ROBO2: variants seen among roughly 807,000 people sequenced by gnomAD.
ROBO2 encodes roundabout homolog 2.
Under a neutral mutation model 160.8 loss-of-function variants are expected in ROBO2, and 53 were observed. The ratio of observed to expected loss-of-function variants is 0.33; its 90% CI spans 0.26 to 0.41. The LOEUF (loss-of-function observed/expected upper bound fraction) is 0.41, where lower values mean the gene tolerates loss of function less well. Among genes scored for constraint, ROBO2 ranks in the 10% least tolerant of loss-of-function variants. The pLI is 1.00. For missense variants in ROBO2, 1,577 were observed against 1,722.4 expected, an observed-to-expected ratio of 0.92 and a Z score of 1.49; for synonymous variants, 664 against 611.7, an observed-to-expected ratio of 1.09 and a Z score of -1.26.
intron 1 of ROBO2, among the ~76,000 whole-genome samples, chr3:77,082,009 T>A (rs1253233548): frequency 6.6e-6 from 1 of 152,162 alleles, no homozygotes; most frequent in African/African-American, 2.4e-5. Flanking sequence ...GCACACCAAC[T>A]GCATAGGCCC....
At chr3:76,580,495 A>G (rs2085631693) in intron 2 of ROBO2, among the ~76,000 whole-genome samples, 1 of 151,120 alleles carries the variant, frequency 6.6e-6, no homozygotes, top group African/African-American at 2.4e-5. Flanking sequence ...TAATTAATTC[A>G]CTTTAAATAT....
chr3:77,427,972 C>T lies in ROBO2; in HGVS notation c.389-49442C>T, dbSNP rs140376197. Among the ~76,000 whole-genome samples, 8 of 152,262 alleles carry T rather than the reference C, an allele frequency of 5.3e-5. No homozygotes were observed. In the East Asian group the frequency reaches 1.2e-3, roughly 22 times the overall value. On this transcript the variant is annotated intron_variant, in intron 2 of 25. Transcript: ENST00000461745. ...AGCCATTTCTTTTCACAGAGTTGAG[C>T]TGAGCTGGTTTTTCATTAAAAATGT...
At chr3:76,113,034 A>G (rs963656586) in intron 2 of ROBO2, among the ~76,000 whole-genome samples, 1 of 152,238 alleles carries the variant, frequency 6.6e-6, no homozygotes. Context: ...TTTATTAACC[A>G]CTAGTGGAGT....
intron 1 of ROBO2, among the ~76,000 whole-genome samples, chr3:77,094,197 A>G (rs368290261): frequency 1.3e-5 from 2 of 152,178 alleles, no homozygotes; most frequent in South Asian, 2.1e-4. Context: ...TCTACATTCT[A>G]TGTCCGTGGA....
intron 2 of ROBO2, among the ~76,000 whole-genome samples, chr3:76,743,939 A>T (rs1576367345): frequency 1.3e-5 from 2 of 152,134 alleles, no homozygotes; most frequent in East Asian, 3.9e-4. Flanking sequence ...CTGAGGAAAG[A>T]TTATTGGGTT....
At chr3:76,290,383 T>C (rs963897948) in intron 2 of ROBO2, among the ~76,000 whole-genome samples, 18 of 152,326 alleles carry the variant, frequency 1.2e-4, no homozygotes, top group African/African-American at 4.1e-4. Flanking sequence ...CCTGAAATGC[T>C]GCTGAAGTTG....
chr3:77,369,062 A>G (rs1236722435), intron 2 of ROBO2, among the ~76,000 whole-genome samples: 1 of 152,186 alleles, frequency 6.6e-6, no homozygotes, highest in Non-Finnish European at 1.5e-5. Flanking sequence ...TATAAGAGAT[A>G]GAACTAGTAT....
At chr3:76,458,598 A>T (rs1311107937) in intron 2 of ROBO2, among the ~76,000 whole-genome samples, 1 of 152,000 alleles carries the variant, frequency 6.6e-6, no homozygotes, top group African/African-American at 2.4e-5. Context: ...GCAAGACCCC[A>T]CTCTACTGAT....
intron 2 of ROBO2, among the ~76,000 whole-genome samples, chr3:76,063,927 C>T (rs2068153466): frequency 1.3e-5 from 2 of 152,134 alleles, no homozygotes; most frequent in Admixed American, 6.6e-5. Context: ...GGAGAGTTCC[C>T]TCTAGCTTTA....
rs556949084 is a variant in ROBO2 at position 75,958,343 on chromosome 3, C to G, written c.109+20741C>G. Among the ~76,000 whole-genome samples, 72 of 151,884 alleles carry G rather than the reference C, an allele frequency of 4.7e-4. No homozygotes were observed. In the South Asian group the frequency reaches 0.014, roughly 30 times the overall value. On this transcript the variant is annotated intron_variant, in intron 2 of 26. Transcript: ENST00000487694. ...TCATTGACACTTACGTGGCAGCACT[C>G]TTATAGGAATAGAATATACCCTGTT...
intron 2 of ROBO2, among the ~76,000 whole-genome samples, chr3:77,328,062 CAA>C (rs57829219): frequency 0.015 from 1,657 of 112,734 alleles, 13 homozygotes; most frequent in African/African-American, 0.034. Context: ...GACCGTATCT[CAA>C]AAAAAAAAAA....
At chr3:76,564,847 G>A (rs578128178) in intron 2 of ROBO2, among the ~76,000 whole-genome samples, 105 of 152,234 alleles carry the variant, frequency 6.9e-4, no homozygotes, top group African/African-American at 2.4e-3. Context: ...GGTAATACTT[G>A]CATTGTGTGG....
chr3:76,802,045 AAAAC>A (rs2108862311), intron 2 of ROBO2, among the ~76,000 whole-genome samples: 1 of 152,298 alleles, frequency 6.6e-6, no homozygotes, highest in African/African-American at 2.4e-5. Context: ...ATGGCACCCA[AAAAC>A]AATTACAACA....
intron 1 of ROBO2, among the ~76,000 whole-genome samples, chr3:77,051,914 C>T (rs1476721704): frequency 2.0e-5 from 3 of 152,178 alleles, no homozygotes; most frequent in Non-Finnish European, 4.4e-5. Context: ...CAAGCGGACA[C>T]GCTGATATTT....
intron 2 of ROBO2, among the ~76,000 whole-genome samples, chr3:76,893,288 A>T (rs2074497437): frequency 6.7e-6 from 1 of 150,156 alleles, no homozygotes; most frequent in Non-Finnish European, 1.5e-5. Flanking sequence ...GAAAAAAAAA[A>T]CAAATTTAGA....
intron 2 of ROBO2, among the ~76,000 whole-genome samples, chr3:76,443,059 G>A (rs1458099482): frequency 2.0e-5 from 3 of 151,940 alleles, no homozygotes; most frequent in Admixed American, 2.0e-4. Flanking sequence ...GAGGGCCTCA[G>A]GAAGCTTCCA....
intron 5 of ROBO2, among the ~76,000 whole-genome samples, chr3:77,499,651 CTTTTTTT>C (rs548250821): frequency 1.8e-3 from 250 of 135,878 alleles, no homozygotes; most frequent in Admixed American, 4.2e-3. Context: ...ATCACTTACG[CTTTTTTT>C]TTTTTTTTTT....
At chr3:77,200,768 A>G (rs1289776710) in intron 2 of ROBO2, among the ~76,000 whole-genome samples, 5 of 152,148 alleles carry the variant, frequency 3.3e-5, no homozygotes, top group African/African-American at 1.2e-4. Context: ...CTGAGATGGT[A>G]TATGGTGTGT....
Position 77,077,629 on chromosome 3 carries a change from C to T in ROBO2, c.62-20385C>T, listed in dbSNP as rs144210250. 5.9e-3 allele frequency among the ~76,000 whole-genome samples: 891 copies of T among 152,270 alleles called. 9 individuals are homozygous for T. Among genetic ancestry groups the T allele is most frequent in the African/African-American group, 0.018 (734 of 41,554 alleles). The stretch of plus-strand genomic sequence containing the variant: ...AATGGAAGCTGGGACCTTGGTCCGT[C>T]GTCAACTGGACTCTCCAGTCTTGTA... On this transcript the variant is annotated intron_variant, in intron 1 of 25. Transcript: ENST00000461745.
Sources: gnomAD v4.1 joint callset for allele counts (sites outside exome capture counted in the v4.1 genomes callset) on GRCh38, gnomAD v4.1.1 for gene constraint, MANE v1.5 for transcripts, NCBI Gene and HGNC (gene_info 2026-07-23, HGNC 2026-07-21) for gene names.